Variants in CHSY3 observed in about 807,000 individuals in gnomAD.
CHSY3 encodes the protein chondroitin sulfate synthase 3, also known as N-acetylgalactosaminyl-proteoglycan 3-beta-glucuronosyltransferase 3.
A neutral mutation model predicts 67.2 loss-of-function variants in CHSY3; 35 were observed. The ratio of observed to expected loss-of-function variants is 0.52; its 90% CI spans 0.40 to 0.69. CHSY3 has a LOEUF of 0.69. CHSY3 is among the 30% of genes least tolerant of loss of function. The probability of loss-of-function intolerance (pLI) is 0.00; values close to 1 mark genes in which losing one functional copy is unlikely to be tolerated. For missense variants in CHSY3, 1,069 were observed against 1,138.5 expected (o/e 0.94, Z 0.88); for synonymous variants, 474 against 434.7 (o/e 1.09, Z -1.12).
chr5:130,134,843 AC>A (rs10640526), intron 2 of CHSY3, among the ~76,000 whole-genome samples: 8 of 146,418 alleles, frequency 5.5e-5, no homozygotes, highest in Non-Finnish European at 8.9e-5. Context: ...TTTACTTCCC[AC>A]CCCCCCCAAT....
At chr5:130,182,843 G>C (rs1247022335) in intron 2 of CHSY3, among the ~76,000 whole-genome samples, 1 of 150,814 alleles carries the variant, frequency 6.6e-6, no homozygotes, top group African/African-American at 2.4e-5. Context: ...CTCTTTTTAT[G>C]CTTCTTGCAA....
At chr5:130,162,651 C>T (rs1019352370) in intron 2 of CHSY3, among the ~76,000 whole-genome samples, 7 of 152,084 alleles carry the variant, frequency 4.6e-5, no homozygotes, top group African/African-American at 1.7e-4. Flanking sequence ...TCTCCCGCCT[C>T]AGTCTCCTGT....
At chr5:130,018,287 TAGTA>T (rs1415002470) in intron 2 of CHSY3, among the ~76,000 whole-genome samples, 3 of 152,184 alleles carry the variant, frequency 2.0e-5, no homozygotes, top group Non-Finnish European at 2.9e-5. Flanking sequence ...TAGTGAAATA[TAGTA>T]AGTCTTTATT....
At chr5:130,034,582 A>G (rs902942655) in intron 2 of CHSY3, among the ~76,000 whole-genome samples, 1 of 152,170 alleles carries the variant, frequency 6.6e-6, no homozygotes, top group Non-Finnish European at 1.5e-5. Context: ...AATGGTGAAC[A>G]AAACAGTCAA....
chr5:129,912,131 T>C (rs767376858), intron 2 of CHSY3, among the ~76,000 whole-genome samples: 11 of 152,298 alleles, frequency 7.2e-5, no homozygotes, highest in Non-Finnish European at 1.3e-4. Context: ...ATTACAAATA[T>C]CTGTTTCAGT....
At chr5:130,010,239 C>A (rs1764015173) in intron 2 of CHSY3, among the ~76,000 whole-genome samples, 1 of 152,090 alleles carries the variant, frequency 6.6e-6, no homozygotes, top group African/African-American at 2.4e-5. Context: ...AACCATAAAG[C>A]AATTCTCAAC....
At chr5:129,930,768 TGAG>T (rs945830316) in intron 2 of CHSY3, among the ~76,000 whole-genome samples, 90 of 152,176 alleles carry the variant, frequency 5.9e-4, no homozygotes, top group African/African-American at 2.1e-3. Context: ...AGACTACAGA[TGAG>T]ATGACAGCCA....
chr5:129,925,047 A>C (rs1467311492), intron 2 of CHSY3, among the ~76,000 whole-genome samples: 3 of 152,212 alleles, frequency 2.0e-5, no homozygotes, highest in Non-Finnish European at 4.4e-5. Context: ...GAGATAAAAA[A>C]TAAGTAAACA....
At chr5:130,116,173 G>A (rs2149706507) in intron 2 of CHSY3, among the ~76,000 whole-genome samples, 1 of 152,118 alleles carries the variant, frequency 6.6e-6, no homozygotes, top group Middle Eastern at 3.4e-3. Flanking sequence ...GACCCAAATA[G>A]CAACAACAAT....
At chr5:130,000,342 CTGTT>C (rs1354454640) in intron 2 of CHSY3, among the ~76,000 whole-genome samples, 3 of 152,142 alleles carry the variant, frequency 2.0e-5, no homozygotes, top group Admixed American at 6.5e-5. Flanking sequence ...TTTTATTTGA[CTGTT>C]AGTAGTGGAA....
At chr5:129,908,405 A>G (rs777328522) in intron 2 of CHSY3, 45 bp downstream of exon 2, 54 of 1,588,454 alleles carry the variant, frequency 3.4e-5, no homozygotes, top group South Asian at 1.8e-4. Flanking sequence ...GTACATATAC[A>G]TGCCATTTTA....
At chr5:129,977,451 C>T (rs1014090889) in intron 2 of CHSY3, among the ~76,000 whole-genome samples, 7 of 152,176 alleles carry the variant, frequency 4.6e-5, no homozygotes, top group Non-Finnish European at 8.8e-5. Context: ...CTTTTGTACA[C>T]ATAATATATC....
At chr5:129,923,257 C>T (rs1414727705) in intron 2 of CHSY3, among the ~76,000 whole-genome samples, 1 of 151,420 alleles carries the variant, frequency 6.6e-6, no homozygotes, top group African/African-American at 2.4e-5. Flanking sequence ...TAATAATATT[C>T]CTAGAGATAG....
At chr5:130,016,636 C>T (rs560961831) in intron 2 of CHSY3, among the ~76,000 whole-genome samples, 3 of 152,228 alleles carry the variant, frequency 2.0e-5, no homozygotes, top group Non-Finnish European at 4.4e-5. Flanking sequence ...TCTCGAACTC[C>T]TGACCTCAGG....
At chr5:130,051,596 G>A (rs1765360578) in intron 2 of CHSY3, among the ~76,000 whole-genome samples, 2 of 152,052 alleles carry the variant, frequency 1.3e-5, no homozygotes, top group South Asian at 4.1e-4. Flanking sequence ...ATGGGACAGG[G>A]ACATTTCCTG....
rs369534984 is a variant in CHSY3 at position 130,045,592 on chromosome 5, A to G, written c.1086+137232A>G. On this transcript the variant is annotated intron_variant, in intron 2 of 2. Coordinates refer to ENST00000305031, the MANE Select transcript of CHSY3 (RefSeq NM_175856.5). ...ATCCTGAGCAGAAATAAGACTGATC[A>G]GTTCTGTCTGTGTGCCTGAAAAGTT... Among the ~76,000 whole-genome samples, 17 of 152,214 alleles carry G rather than the reference A, an allele frequency of 1.1e-4. No individual in the cohort carries two copies. The East Asian group carries it at 1.4e-3, about 12-fold the overall frequency.
intron 2 of CHSY3, among the ~76,000 whole-genome samples, chr5:129,996,358 A>C (rs893836627): frequency 1.3e-5 from 2 of 152,182 alleles, no homozygotes; most frequent in African/African-American, 4.8e-5. Flanking sequence ...GACTGTATTC[A>C]TACACCAAAT....
At chr5:130,014,504 G>A (rs1054194124) in intron 2 of CHSY3, among the ~76,000 whole-genome samples, 2 of 152,168 alleles carry the variant, frequency 1.3e-5, no homozygotes, top group Non-Finnish European at 2.9e-5. Flanking sequence ...GCCAGATGGG[G>A]AAATGCTAGA....
At chr5:129,924,643 TAA>T (rs34873764) in intron 2 of CHSY3, among the ~76,000 whole-genome samples, 1,680 of 136,790 alleles carry the variant, frequency 0.012, 14 homozygotes, top group South Asian at 0.037. Context: ...AGACTCCCTC[TAA>T]AAAAAAAAAA....
Sources: allele counts gnomAD v4.1 joint callset (sites outside exome capture counted in the v4.1 genomes callset), GRCh38; gene constraint gnomAD v4.1.1; transcripts MANE v1.5; gene names NCBI Gene and HGNC (gene_info 2026-07-23, HGNC 2026-07-21).